The following PAPPA2 variants were observed in gnomAD, a reference collection of about 807,000 sequenced individuals.
The protein encoded by PAPPA2 is pappalysin-2.
Under a neutral mutation model 176.4 loss-of-function variants are expected in PAPPA2, and 86 were observed. The observed-to-expected ratio is 0.49, with a 90% CI of 0.41 to 0.58. PAPPA2 has a LOEUF of 0.58. Ranked by LOEUF, PAPPA2 falls within the 20% of genes least tolerant of loss-of-function variation. The pLI, the probability that PAPPA2 is intolerant of heterozygous loss-of-function variation, is 0.00. For missense variants in PAPPA2, 2,073 were observed against 2,256.9 expected (o/e 0.92, Z 1.65); for synonymous variants, 809 against 852.2 (o/e 0.95, Z 0.88).
At chr1:176,667,897 T>G (rs12063668) in intron 3 of PAPPA2, among the ~76,000 whole-genome samples, 26,574 of 152,148 alleles carry the variant, frequency 0.17, 2,479 homozygotes, top group Middle Eastern at 0.23. Context: ...ACTTTTACTT[T>G]GTTTAGTTGG....
At chr1:176,492,939 G>A (rs149932526) in intron 1 of PAPPA2, among the ~76,000 whole-genome samples, 1 of 152,158 alleles carries the variant, frequency 6.6e-6, no homozygotes, top group African/African-American at 2.4e-5. Context: ...ATCCACAATA[G>A]AAAATATATT....
chr1:176,653,666 T>G (rs1159037288), intron 3 of PAPPA2, among the ~76,000 whole-genome samples: 1 of 151,758 alleles, frequency 6.6e-6, no homozygotes, highest in Non-Finnish European at 1.5e-5. Context: ...CTTTCCTCCT[T>G]ATAATCTTCC....
At position 176,529,621 on chromosome 1, in the gene PAPPA2, G is replaced by A. The variant is rs971018161; in HGVS notation, c.-916-25786G>A. Among the ~76,000 whole-genome samples the A allele has an allele frequency of 3.9e-5, 6 of 152,312 alleles. 1 individual carries two copies. Among genetic ancestry groups the A allele is most frequent in the Admixed American group, 3.9e-4 (6 of 15,298 alleles). On this transcript the variant is annotated intron_variant, in intron 1 of 22. Transcript: ENST00000367662. The stretch of plus-strand genomic sequence containing the variant: ...TGGTGCTCAGCAAGAGCCCAGTGCT[G>A]CCTTCCCTTGCCACACACACATCTC...
At chr1:176,476,122 G>T (rs888674664) in intron 1 of PAPPA2, among the ~76,000 whole-genome samples, 1 of 152,130 alleles carries the variant, frequency 6.6e-6, no homozygotes, top group African/African-American at 2.4e-5. Context: ...TTACCACACA[G>T]CATCCTTTTA....
chr1:176,688,295 T>A (rs1419566393), intron 4 of PAPPA2, among the ~76,000 whole-genome samples: 1 of 152,184 alleles, frequency 6.6e-6, no homozygotes, highest in Admixed American at 6.5e-5. Context: ...TAGAATTATA[T>A]CCACTGATGT....
At chr1:176,583,930 C>T (rs944252253) in intron 2 of PAPPA2, among the ~76,000 whole-genome samples, 5 of 152,092 alleles carry the variant, frequency 3.3e-5, no homozygotes, top group African/African-American at 9.7e-5. Flanking sequence ...TGGCATACAC[C>T]TATAGTCCCA....
At chr1:176,565,474 C>T (rs1162183174) in intron 2 of PAPPA2, among the ~76,000 whole-genome samples, 1 of 152,156 alleles carries the variant, frequency 6.6e-6, no homozygotes, top group Non-Finnish European at 1.5e-5. Context: ...GCAGGCAGAT[C>T]GCTTGAGACC....
At chr1:176,496,376 A>C (rs1269524402) in intron 1 of PAPPA2, among the ~76,000 whole-genome samples, 1 of 152,178 alleles carries the variant, frequency 6.6e-6, no homozygotes, top group Non-Finnish European at 1.5e-5. Context: ...CTACAACCAG[A>C]AGATGAAACC....
At chr1:176,631,836 A>G (rs892094272) in intron 3 of PAPPA2, among the ~76,000 whole-genome samples, 1 of 152,220 alleles carries the variant, frequency 6.6e-6, no homozygotes, top group African/African-American at 2.4e-5. Context: ...GGGGGAGACC[A>G]CAGAACATTT....
intron 1 of PAPPA2, among the ~76,000 whole-genome samples, chr1:176,546,226 G>A (rs1362356002): frequency 1.3e-5 from 2 of 152,198 alleles, no homozygotes; most frequent in Admixed American, 6.5e-5. Flanking sequence ...CCTTGCTGAA[G>A]CAGAGTGATT....
intron 1 of PAPPA2, among the ~76,000 whole-genome samples, chr1:176,522,145 C>T (rs1572996354): frequency 6.6e-6 from 1 of 152,168 alleles, no homozygotes; most frequent in African/African-American, 2.4e-5. Flanking sequence ...CTGAACACAG[C>T]ATTTAAACAT....
intron 3 of PAPPA2, among the ~76,000 whole-genome samples, chr1:176,665,789 A>T (rs12118152): frequency 0.065 from 9,949 of 152,214 alleles, 354 homozygotes; most frequent in South Asian, 0.14. Flanking sequence ...AAGTCAACAG[A>T]TTCACCAGCT....
intron 3 of PAPPA2, among the ~76,000 whole-genome samples, chr1:176,612,823 T>A (rs1655007666): frequency 6.6e-6 from 1 of 152,176 alleles, no homozygotes; most frequent in African/African-American, 2.4e-5. Context: ...AGGGTTAAAA[T>A]AATTTTATTC....
At chr1:176,490,662 A>G (rs927985386) in intron 1 of PAPPA2, among the ~76,000 whole-genome samples, 1 of 152,126 alleles carries the variant, frequency 6.6e-6, no homozygotes, top group Non-Finnish European at 1.5e-5. Flanking sequence ...CTCAGGGAGC[A>G]TGTTTGTCTG....
chr1:176,716,930 A>T (rs1051897101), intron 12 of PAPPA2, among the ~76,000 whole-genome samples: 8 of 152,236 alleles, frequency 5.3e-5, no homozygotes, highest in Non-Finnish European at 1.2e-4. Flanking sequence ...CCATATAAAA[A>T]TGTTAGCAGC....
Position 176,765,680 on chromosome 1 carries a change from C to T in PAPPA2, c.4166C>T (p.Pro1389Leu), listed in dbSNP as rs762575153. The T allele has an allele frequency of 3.1e-6, 5 of 1,613,868 alleles. No homozygotes were observed. The highest frequency in any genetic ancestry group is 2.2e-5 in the East Asian group (1 of 44,842). ...NHQGQSCIHR[P>L]CGKQDSCPSL... ...TCTTATCCCAGCTGTATCCATCGGC[C>T]CTGTGGGAAGCAGGACAGCTGTCCG... The change falls in exon 15 of 23, where the codon CCC becomes CTC. Residue 1389 changes from proline to leucine, a missense_variant. Physicochemically the swap from Pro to Leu is moderately conservative, Grantham distance 98. Around this residue, in one of 4 missense-constraint regions of PAPPA2, gnomAD observed 846 missense variants for 857.9 expected, o/e 0.99. Transcript: ENST00000367662.
At chr1:176,724,074 C>T (rs1294025640) in intron 12 of PAPPA2, among the ~76,000 whole-genome samples, 1 of 152,200 alleles carries the variant, frequency 6.6e-6, no homozygotes, top group East Asian at 1.9e-4. Context: ...TCCATCTATA[C>T]TATGTTGCCT....
At chr1:176,535,386 C>T (rs935299609) in intron 1 of PAPPA2, among the ~76,000 whole-genome samples, 10 of 152,156 alleles carry the variant, frequency 6.6e-5, no homozygotes, top group Non-Finnish European at 1.5e-4. Flanking sequence ...TTTGTAAGAG[C>T]GGAATTCGAC....
chr1:176,525,853 T>C (rs915620851), intron 1 of PAPPA2, among the ~76,000 whole-genome samples: 1 of 152,186 alleles, frequency 6.6e-6, no homozygotes, highest in African/African-American at 2.4e-5. Flanking sequence ...GCGTGTTCAA[T>C]CTCTCTGAAT....
Sources: gnomAD v4.1 joint callset for allele counts (sites outside exome capture counted in the v4.1 genomes callset) on GRCh38, gnomAD v4.1.1 for gene constraint, gnomAD v4.1.1 regional missense constraint, MANE v1.5 for transcripts, NCBI Gene and HGNC (gene_info 2026-07-23, HGNC 2026-07-21) for gene names.